The following RXRA variants were observed in gnomAD, a reference collection of about 807,000 sequenced individuals.
RXRA encodes retinoic acid receptor RXR-alpha.
RXRA carries 5 observed loss-of-function variants against 44.5 expected under a neutral mutation model. The observed-to-expected ratio is 0.11, with a 90% CI of 0.06 to 0.24. RXRA has a LOEUF of 0.24. Ranked by LOEUF, RXRA falls within the 10% of genes least tolerant of loss-of-function variation. RXRA has a pLI of 1.00. For synonymous variants in RXRA, 291 were observed against 271.4 expected, an observed-to-expected ratio of 1.07 and a Z score of -0.71; for missense variants, 412 against 646.5, an observed-to-expected ratio of 0.64 and a Z score of 3.93.
intron 1 of RXRA, among the ~76,000 whole-genome samples, chr9:134,377,835 C>T (rs1347738056): frequency 6.6e-6 from 1 of 152,256 alleles, no homozygotes; most frequent in Non-Finnish European, 1.5e-5. Flanking sequence ...TGCCCCCCTC[C>T]ACACCCACCT....
rs755912201 is a variant in RXRA, at chr9:134,408,193, G to GC, written c.331dup (p.Leu111ProfsTer70). 23 of 1,601,496 alleles carry GC rather than the reference G, an allele frequency of 1.4e-5. No homozygotes were observed. Among genetic ancestry groups the GC allele is most frequent in the East Asian group, 2.2e-5 (1 of 44,558 alleles). ...CCGTCAGCAGCAGCGAGGACATCAA[G>GC]CCCCCCCTGGGCCTCAATGGCGTCC... On this transcript the variant is annotated frameshift_variant, in exon 3 of 10. Transcript: ENST00000481739. LOFTEE classifies it high-confidence loss of function.
At chr9:134,355,643 G>A (rs1194929026) in intron 1 of RXRA, among the ~76,000 whole-genome samples, 1 of 152,146 alleles carries the variant, frequency 6.6e-6, no homozygotes, top group Non-Finnish European at 1.5e-5. Flanking sequence ...GCTGCCCTCT[G>A]CAGCCAGGCT....
intron 6 of RXRA, chr9:134,425,301 G>A: frequency 1.0e-6 from 1 of 985,320 alleles, no homozygotes; most frequent in Non-Finnish European, 1.2e-6. Context: ...CAGAAATAAA[G>A]CATTAAAATG....
At chr9:134,364,475 T>C (rs1178908703) in intron 1 of RXRA, among the ~76,000 whole-genome samples, 3 of 152,238 alleles carry the variant, frequency 2.0e-5, no homozygotes, top group Non-Finnish European at 4.4e-5. Flanking sequence ...CCGGCTGTCA[T>C]GGGCTCTGTG....
rs1359162919 is a variant in RXRA, at chr9:134,407,512, CCG to C, written c.280-636_280-635del. 6.6e-6 allele frequency among the ~76,000 whole-genome samples: 1 copy of C among 152,202 alleles called. No individual in the cohort carries two copies. Among genetic ancestry groups the C allele is most frequent in the Non-Finnish European group, 1.5e-5 (1 of 68,044 alleles). ...GACCGGGTGAGTTTCCCACGCTTGC[CCG>C]GGCGGCAGCGTGCGGGCCGGCGGGT... On this transcript the variant is annotated intron_variant, in intron 2 of 9. Coordinates refer to ENST00000481739, the MANE Select transcript of RXRA (RefSeq NM_002957.6). The surrounding 1 kb of genome is among the most constrained non-coding windows in gnomAD (Gnocchi z 4.8).
intron 1 of RXRA, among the ~76,000 whole-genome samples, chr9:134,331,142 C>G (rs1834998383): frequency 6.6e-6 from 1 of 152,160 alleles, no homozygotes; most frequent in Non-Finnish European, 1.5e-5. Flanking sequence ...GTCCTTGGGA[C>G]CAGCCCCTGT....
At chr9:134,344,861 A>G (rs548817874) in intron 1 of RXRA, among the ~76,000 whole-genome samples, 10 of 152,290 alleles carry the variant, frequency 6.6e-5, no homozygotes, top group African/African-American at 2.4e-4. Flanking sequence ...TCCTGTCCCA[A>G]CACACTGGTG....
At chr9:134,427,993 A>G (rs1831462286) in intron 6 of RXRA, among the ~76,000 whole-genome samples, 1 of 152,068 alleles carries the variant, frequency 6.6e-6, no homozygotes, top group South Asian at 2.1e-4. Flanking sequence ...TGTGTGCGCG[A>G]GGGTCCCTGA....
rs558699212 is a variant in RXRA at position 134,429,014 on chromosome 9, C to T, written c.911-94C>T. On this transcript the variant is annotated intron_variant, in intron 6 of 9. Transcript: ENST00000481739. ...AGAGCCTGTCAGGATGGGTCGGTGA[C>T]ATGCTGCCTCTGTAGGGTCCCACCA... 3.3e-6 allele frequency: 5 copies of T among 1,499,264 alleles called. No homozygotes were observed. In the African/African-American group the frequency reaches 6.9e-5, roughly 21 times the overall value. 92.9% of individuals were successfully genotyped at this position (1,499,264 alleles called of 1,614,324 possible).
At position 134,433,692 on chromosome 9, in the gene RXRA, C is replaced by T. The variant is rs866669499; in HGVS notation, c.1136-410C>T. Among the ~76,000 whole-genome samples, 1 of 152,116 alleles carries T rather than the reference C, an allele frequency of 6.6e-6. No individual in the cohort carries two copies. Among genetic ancestry groups the T allele is most frequent in the Non-Finnish European group, 1.5e-5 (1 of 68,006 alleles). On this transcript the variant is annotated intron_variant, in intron 8 of 9. Coordinates refer to ENST00000481739, the MANE Select transcript of RXRA (RefSeq NM_002957.6). This position sits in a 1 kb window ranked among gnomAD's most constrained non-coding sequence, Gnocchi z 4.2. The stretch of plus-strand genomic sequence containing the variant: ...GTCTGGGTACTCCTGGGGGCAGCAG[C>T]GCTATCTCCCATCCATGTTATGGGG...
chr9:134,413,685 C>T (rs1441356238), intron 4 of RXRA, among the ~76,000 whole-genome samples: 2 of 152,240 alleles, frequency 1.3e-5, no homozygotes, highest in Non-Finnish European at 2.9e-5. Context: ...TCCGACATGC[C>T]TGCCTCGGAG....
intron 1 of RXRA, among the ~76,000 whole-genome samples, chr9:134,389,133 G>A (rs1271715517): frequency 3.3e-5 from 5 of 152,174 alleles, no homozygotes; most frequent in African/African-American, 9.7e-5. Context: ...TGTCGTGGAC[G>A]CCCTCAGCTC....
chr9:134,370,798 G>C (rs1410938904), intron 1 of RXRA, among the ~76,000 whole-genome samples: 2 of 152,242 alleles, frequency 1.3e-5, no homozygotes, highest in Non-Finnish European at 2.9e-5. Context: ...GACCACGGAG[G>C]GTCTGGGGTT....
In RXRA at chr9:134,379,180, G is replaced by A; in HGVS notation, c.29-22452G>A. Reference sequence around the variant, plus strand: ...TCTGCACAGCAGGACCCGGAATTATGCTGTTCTCGGTTGGACCTGCTTGTC... The same window carrying A: ...TCTGCACAGCAGGACCCGGAATTATACTGTTCTCGGTTGGACCTGCTTGTC... On this transcript the variant is annotated intron_variant, in intron 1 of 9. Coordinates refer to ENST00000481739, the MANE Select transcript of RXRA (RefSeq NM_002957.6). 6.6e-6 allele frequency: 5 copies of A among 757,006 alleles called. No individual in the cohort carries two copies. In the South Asian group the frequency reaches 3.0e-4, roughly 45 times the overall value. The allele number at this position is 757,006 out of a possible 1,614,324, so 46.9% of individuals were successfully genotyped here. A position where few individuals can be genotyped will look rare whatever the true frequency, so the allele number is the denominator to read the frequency against.
chr9:134,387,895 A>G (rs983095834), intron 1 of RXRA, among the ~76,000 whole-genome samples: 7 of 152,230 alleles, frequency 4.6e-5, no homozygotes, highest in African/African-American at 1.2e-4. Flanking sequence ...TGTGAGCCCA[A>G]GGTTTTTTGA....
chr9:134,397,402 G>C (rs1023934110), intron 1 of RXRA, among the ~76,000 whole-genome samples: 1 of 152,220 alleles, frequency 6.6e-6, no homozygotes, highest in African/African-American at 2.4e-5. Context: ...TGCCTGCCCT[G>C]GGTGCTGGCA....
intron 1 of RXRA, among the ~76,000 whole-genome samples, chr9:134,347,036 A>G (rs1007682758): frequency 6.6e-6 from 1 of 150,796 alleles, no homozygotes; most frequent in Non-Finnish European, 1.5e-5. Context: ...AGGTGGGAGT[A>G]GGGTGGTGGC....
chr9:134,436,655 C>A lies in RXRA; in HGVS notation c.*41C>A, dbSNP rs754057224. On this transcript the variant is annotated 3_prime_UTR_variant, in exon 10 of 10. Transcript: ENST00000481739. Reference sequence around the variant, plus strand: ...CTTTGTGCCCACCCGTTCTGGCCACCCTGCCTGGACGCCAGCTGTTCTTCT... The same window carrying A: ...CTTTGTGCCCACCCGTTCTGGCCACACTGCCTGGACGCCAGCTGTTCTTCT... 2 of 1,609,120 alleles carry A rather than the reference C, an allele frequency of 1.2e-6. No individual in the cohort carries two copies. The highest frequency in any genetic ancestry group is 1.7e-5 in the Admixed American group (1 of 59,800).
At chr9:134,403,037 G>T (rs930186568) in intron 2 of RXRA, 5 of 152,338 alleles carry the variant, frequency 3.3e-5, no homozygotes, top group Admixed American at 6.5e-5. Context: ...CTAGGCCCAA[G>T]GGATTGCATG....
Sources: allele counts gnomAD v4.1 joint callset (sites outside exome capture counted in the v4.1 genomes callset), GRCh38; gene constraint gnomAD v4.1.1; non-coding constraint Gnocchi (gnomAD v3.1); transcripts MANE v1.5; gene names NCBI Gene and HGNC (gene_info 2026-07-23, HGNC 2026-07-21).